Variants in KCNK2 observed in about 807,000 individuals in gnomAD.
KCNK2 encodes potassium two pore domain channel subfamily K member 2, also known as potassium channel subfamily K member 2.
In KCNK2, 21 loss-of-function variants were observed where a neutral mutation model predicts 40.5. The observed-to-expected ratio is 0.52, with a 90% CI of 0.37 to 0.75. The LOEUF is 0.75. KCNK2 is among the 30% of genes least tolerant of loss of function. KCNK2 has a pLI of 0.00. For missense variants in KCNK2, 399 were observed against 531.6 expected, an observed-to-expected ratio of 0.75 and a Z score of 2.45; for synonymous variants, 191 against 202.2, an observed-to-expected ratio of 0.94 and a Z score of 0.47.
intron 2 of KCNK2, among the ~76,000 whole-genome samples, chr1:215,123,459 A>G (rs1226798452): frequency 6.6e-6 from 1 of 152,026 alleles, no homozygotes; most frequent in East Asian, 1.9e-4. Context: ...AAGCAATGTA[A>G]TTTAATTTAC....
intron 6 of KCNK2, among the ~76,000 whole-genome samples, chr1:215,230,349 GTATT>G (rs562304584): frequency 1.1e-4 from 16 of 149,868 alleles, no homozygotes; most frequent in African/African-American, 3.9e-4. Flanking sequence ...ACGATGGTGA[GTATT>G]TGTGTATCTA....
chr1:215,024,566 T>C (rs1164270741), intron 1 of KCNK2, among the ~76,000 whole-genome samples: 1 of 152,210 alleles, frequency 6.6e-6, no homozygotes, highest in Non-Finnish European at 1.5e-5. Flanking sequence ...CCATAATTTT[T>C]TTTTCATGTA....
At chr1:215,117,340 CA>C (rs1276621004) in intron 2 of KCNK2, among the ~76,000 whole-genome samples, 1 of 152,052 alleles carries the variant, frequency 6.6e-6, no homozygotes, top group Non-Finnish European at 1.5e-5. Flanking sequence ...ATTCAACAAT[CA>C]CTCTGTGTTC....
At chr1:215,095,560 C>T (rs1389126691) in intron 2 of KCNK2, among the ~76,000 whole-genome samples, 1 of 152,038 alleles carries the variant, frequency 6.6e-6, no homozygotes, top group African/African-American at 2.4e-5. Flanking sequence ...GCACAGCAAA[C>T]GTTAAAATTG....
intron 6 of KCNK2, among the ~76,000 whole-genome samples, chr1:215,233,119 AG>A (rs998146547): frequency 1.9e-4 from 29 of 152,168 alleles, no homozygotes; most frequent in African/African-American, 6.8e-4. Flanking sequence ...AAGTATCTCC[AG>A]GATAAATTCC....
intron 1 of KCNK2, among the ~76,000 whole-genome samples, chr1:215,084,006 G>T (rs919541185): frequency 1.6e-4 from 24 of 152,024 alleles, no homozygotes; most frequent in Non-Finnish European, 2.9e-4. Context: ...AAACCAAGAG[G>T]TTCCCTGTAT....
At chr1:215,091,482 A>G (rs1659691828) in intron 2 of KCNK2, among the ~76,000 whole-genome samples, 1 of 152,200 alleles carries the variant, frequency 6.6e-6, no homozygotes, top group African/African-American at 2.4e-5. Context: ...TGGCCTTTAA[A>G]AACAAAACAA....
At chr1:215,032,462 A>T (rs1181729732) in intron 1 of KCNK2, among the ~76,000 whole-genome samples, 3 of 151,986 alleles carry the variant, frequency 2.0e-5, no homozygotes, top group African/African-American at 4.8e-5. Flanking sequence ...TTTTACCTTC[A>T]CTTATTCTTT....
intron 6 of KCNK2, among the ~76,000 whole-genome samples, chr1:215,230,534 T>TACAC (rs1666608646): frequency 3.9e-5 from 1 of 25,910 alleles, no homozygotes; most frequent in African/African-American, 1.0e-4. Flanking sequence ...TATATATATG[T>TACAC]ATATATATAC....
Position 215,131,938 on chromosome 1 carries a change from T to A in KCNK2, c.475+7188T>A, listed in dbSNP as rs529642645. 3.0e-4 allele frequency among the ~76,000 whole-genome samples: 46 copies of A among 152,226 alleles called. 1 individual carries two copies. Among genetic ancestry groups the A allele is most frequent in the Non-Finnish European group, 4.3e-4 (29 of 68,042 alleles). On this transcript the variant is annotated intron_variant, in intron 3 of 6. Coordinates refer to ENST00000444842, the MANE Select transcript of KCNK2 (RefSeq NM_001017425.3). ...CTAGATTGAATTGCTAAAGCTATTA[T>A]GATAACAATCACAGACTTACTGCAA...
chr1:215,022,074 T>A (rs1327738012), intron 1 of KCNK2, among the ~76,000 whole-genome samples: 1 of 122,630 alleles, frequency 8.2e-6, no homozygotes, highest in East Asian at 2.4e-4. Flanking sequence ...GCATCCATAA[T>A]CATGTGAGCC....
intron 1 of KCNK2, among the ~76,000 whole-genome samples, chr1:215,027,851 T>C (rs2601624): frequency 0.44 from 66,802 of 151,996 alleles, 16,368 homozygotes; most frequent in Non-Finnish European, 0.55. Flanking sequence ...TCTGTAGAAA[T>C]TGGCCAACAA....
At chr1:215,060,633 C>T (rs1215956349) in intron 1 of KCNK2, among the ~76,000 whole-genome samples, 1 of 152,162 alleles carries the variant, frequency 6.6e-6, no homozygotes, top group African/African-American at 2.4e-5. Flanking sequence ...AATTATGAAT[C>T]TATATTTATC....
chr1:215,234,058 A>G (rs1666778270), intron 6 of KCNK2, among the ~76,000 whole-genome samples: 1 of 152,208 alleles, frequency 6.6e-6, no homozygotes, highest in African/African-American at 2.4e-5. Context: ...TACTGTGAAG[A>G]TGTCTGTTCT....
chr1:215,108,480 G>A (rs74485996), intron 2 of KCNK2, among the ~76,000 whole-genome samples: 8 of 152,128 alleles, frequency 5.3e-5, no homozygotes, highest in African/African-American at 9.6e-5. Flanking sequence ...TCATTCTGCC[G>A]ATTGTTCCTT....
At chr1:215,206,649 C>G (rs1665325175) in intron 6 of KCNK2, among the ~76,000 whole-genome samples, 1 of 152,142 alleles carries the variant, frequency 6.6e-6, no homozygotes, top group Non-Finnish European at 1.5e-5. Context: ...ACACAAATCT[C>G]TGCCTTTTAG....
At chr1:215,123,006 A>G (rs1661261764) in intron 2 of KCNK2, among the ~76,000 whole-genome samples, 1 of 152,148 alleles carries the variant, frequency 6.6e-6, no homozygotes, top group South Asian at 2.1e-4. Context: ...GGCCTTCCAA[A>G]GTGCTGGGAT....
intron 2 of KCNK2, among the ~76,000 whole-genome samples, chr1:215,113,190 A>G (rs1267102215): frequency 6.6e-6 from 1 of 152,202 alleles, no homozygotes; most frequent in Non-Finnish European, 1.5e-5. Context: ...CCGACGTTCA[A>G]CTTTATGAGT....
intron 3 of KCNK2, among the ~76,000 whole-genome samples, chr1:215,145,065 T>C (rs1662355544): frequency 6.6e-6 from 1 of 152,198 alleles, no homozygotes; most frequent in Admixed American, 6.5e-5. Flanking sequence ...CACTCCTTAC[T>C]TGAAATATGT....
Sources: gnomAD v4.1 joint callset for allele counts (sites outside exome capture counted in the v4.1 genomes callset) on GRCh38, gnomAD v4.1.1 for gene constraint, MANE v1.5 for transcripts, NCBI Gene and HGNC (gene_info 2026-07-23, HGNC 2026-07-21) for gene names.